The following SNTG1 variants were observed in gnomAD, a reference collection of about 807,000 sequenced individuals.
SNTG1 encodes the protein syntrophin gamma 1.
Under a neutral mutation model 74.7 loss-of-function variants are expected in SNTG1, and 39 were observed. The observed-to-expected ratio is 0.52, with a 90% CI of 0.40 to 0.68. SNTG1 has a LOEUF of 0.68. SNTG1 is among the 30% of genes least tolerant of loss of function. SNTG1 has a pLI of 0.00. For missense variants in SNTG1, 685 were observed against 609.5 expected, an observed-to-expected ratio of 1.12 and a Z score of -1.30; for synonymous variants, 254 against 217.1, an observed-to-expected ratio of 1.17 and a Z score of -1.49.
intron 17 of SNTG1, among the ~76,000 whole-genome samples, chr8:50,737,375 T>C (rs2095531623): frequency 6.6e-6 from 1 of 152,234 alleles, no homozygotes; most frequent in South Asian, 2.1e-4. Flanking sequence ...GTCAAATCCC[T>C]GAATAGACCA....
intron 8 of SNTG1, among the ~76,000 whole-genome samples, chr8:50,466,679 A>G (rs140924959): frequency 5.3e-5 from 8 of 151,994 alleles, no homozygotes; most frequent in Admixed American, 1.3e-4. Context: ...TGGAACGTCT[A>G]TTAATTTAGA....
chr8:50,158,623 G>T (rs28533556), intron 1 of SNTG1, among the ~76,000 whole-genome samples: 1 of 152,072 alleles, frequency 6.6e-6, no homozygotes, highest in Non-Finnish European at 1.5e-5. Flanking sequence ...ATTTTTCCAC[G>T]TTGATTTATG....
At chr8:50,714,090 G>A (rs956063630) in intron 17 of SNTG1, among the ~76,000 whole-genome samples, 4 of 150,814 alleles carry the variant, frequency 2.7e-5, no homozygotes, top group African/African-American at 7.3e-5. Context: ...TGGGGGGAGG[G>A]AATCCTTTTC....
chr8:50,219,314 A>G (rs2084946199), intron 2 of SNTG1, among the ~76,000 whole-genome samples: 1 of 152,152 alleles, frequency 6.6e-6, no homozygotes, highest in African/African-American at 2.4e-5. Flanking sequence ...AAAACCTCAA[A>G]AATCCCACAG....
chr8:49,954,834 A>G (rs1208374808), intron 1 of SNTG1, among the ~76,000 whole-genome samples: 1 of 152,174 alleles, frequency 6.6e-6, no homozygotes, highest in Non-Finnish European at 1.5e-5. Flanking sequence ...TCCAAAGAAG[A>G]AACTTTGTAT....
intron 2 of SNTG1, among the ~76,000 whole-genome samples, chr8:50,344,822 C>T (rs951435516): frequency 1.3e-5 from 2 of 152,172 alleles, no homozygotes; most frequent in African/African-American, 4.8e-5. Context: ...CAGCCCTAAC[C>T]CCTAGTACCT....
chr8:50,587,833 AGCGGCTCATG>A, intron 12 of SNTG1, among the ~76,000 whole-genome samples: 1 of 148,144 alleles, frequency 6.8e-6, no homozygotes, highest in Admixed American at 6.7e-5. Context: ...AAAAAAATTT[AGCGGCTCATG>A]GCTCATGCCT....
At chr8:50,285,085 G>T (rs1366032235) in intron 2 of SNTG1, among the ~76,000 whole-genome samples, 1 of 152,020 alleles carries the variant, frequency 6.6e-6, no homozygotes, top group Admixed American at 6.6e-5. Context: ...GTATCTAGAA[G>T]ATAAAGAACA....
chr8:50,745,098 A>G (rs1462136323), intron 17 of SNTG1, among the ~76,000 whole-genome samples: 4 of 152,016 alleles, frequency 2.6e-5, no homozygotes, highest in African/African-American at 7.2e-5. Flanking sequence ...GGGTACTACA[A>G]CAGAGTGCAA....
chr8:50,277,517 A>G (rs2088185167), intron 2 of SNTG1, among the ~76,000 whole-genome samples: 1 of 152,176 alleles, frequency 6.6e-6, no homozygotes, highest in East Asian at 1.9e-4. Flanking sequence ...ATTTCAATCT[A>G]TTTTGAACAG....
intron 1 of SNTG1, among the ~76,000 whole-genome samples, chr8:50,159,800 T>C (rs1267102859): frequency 6.6e-6 from 1 of 152,186 alleles, no homozygotes; most frequent in Admixed American, 6.6e-5. Flanking sequence ...CTTATTCATT[T>C]GGTCCCATTG....
At chr8:50,197,298 A>G (rs2131820673) in intron 2 of SNTG1, among the ~76,000 whole-genome samples, 1 of 152,318 alleles carries the variant, frequency 6.6e-6, no homozygotes, top group African/African-American at 2.4e-5. Flanking sequence ...ATAAAGATAT[A>G]TACATTCAAA....
chr8:50,464,536 A>T (rs1177433222), intron 8 of SNTG1, among the ~76,000 whole-genome samples: 1 of 151,894 alleles, frequency 6.6e-6, no homozygotes, highest in Non-Finnish European at 1.5e-5. Context: ...CAGTCAGAAC[A>T]CACACATTTA....
intron 17 of SNTG1, among the ~76,000 whole-genome samples, chr8:50,718,362 A>G (rs948121562): frequency 1.3e-5 from 2 of 152,216 alleles, no homozygotes; most frequent in African/African-American, 4.8e-5. Flanking sequence ...TGGCACTTAC[A>G]TCAGCAGTGG....
intron 8 of SNTG1, among the ~76,000 whole-genome samples, chr8:50,473,771 G>C (rs1413609759): frequency 1.3e-5 from 2 of 152,086 alleles, no homozygotes; most frequent in African/African-American, 4.8e-5. Flanking sequence ...ATACAACATG[G>C]ATAAACCTTG....
At chr8:50,471,105 T>C (rs1325712426) in intron 8 of SNTG1, among the ~76,000 whole-genome samples, 1 of 152,106 alleles carries the variant, frequency 6.6e-6, no homozygotes, top group Non-Finnish European at 1.5e-5. Flanking sequence ...ATCCTTTAGC[T>C]AGACAGAAAA....
chr8:49,935,926 A>G (rs1018035033), intron 1 of SNTG1, among the ~76,000 whole-genome samples: 5 of 152,216 alleles, frequency 3.3e-5, no homozygotes, highest in African/African-American at 1.2e-4. Context: ...CTCGGCTGCA[A>G]TATCTGCGAT....
chr8:50,782,699 T>C (rs2095663224), intron 18 of SNTG1, among the ~76,000 whole-genome samples: 1 of 152,364 alleles, frequency 6.6e-6, no homozygotes, highest in Admixed American at 6.5e-5. Flanking sequence ...CCTTCTTCTC[T>C]CAACTTGTCA....
chr8:50,659,134 G>C (rs2095202962), intron 15 of SNTG1, among the ~76,000 whole-genome samples: 1 of 152,046 alleles, frequency 6.6e-6, no homozygotes, highest in African/African-American at 2.4e-5. Flanking sequence ...TAATCTCATG[G>C]CTTGACCATC....
Sources: gnomAD v4.1 joint callset for allele counts (sites outside exome capture counted in the v4.1 genomes callset) on GRCh38, gnomAD v4.1.1 for gene constraint, MANE v1.5 for transcripts, NCBI Gene and HGNC (gene_info 2026-07-23, HGNC 2026-07-21) for gene names.